MAML2: variants seen among roughly 807,000 people sequenced by gnomAD.
MAML2 encodes the protein mastermind-like protein 2.
In MAML2, 22 loss-of-function variants were observed where a neutral mutation model predicts 96.1. The ratio of observed to expected loss-of-function variants is 0.23; its 90% CI spans 0.16 to 0.33. The LOEUF (loss-of-function observed/expected upper bound fraction) is 0.33. Ranked by LOEUF, MAML2 falls within the 10% of genes least tolerant of loss-of-function variation. The pLI is 1.00. For synonymous variants in MAML2, 561 were observed against 521.3 expected, an observed-to-expected ratio of 1.08 and a Z score of -1.04; for missense variants, 1,367 against 1,392.4, an observed-to-expected ratio of 0.98 and a Z score of 0.29.
chr11:96,324,248 C>A (rs568342769), intron 1 of MAML2, among the ~76,000 whole-genome samples: 1 of 152,234 alleles, frequency 6.6e-6, no homozygotes, highest in Non-Finnish European at 1.5e-5. Context: ...CATCTTCCTT[C>A]ACCTAATTTG....
chr11:96,168,536 G>T (rs1301942126), intron 1 of MAML2, among the ~76,000 whole-genome samples: 2 of 152,134 alleles, frequency 1.3e-5, no homozygotes, highest in Non-Finnish European at 2.9e-5. Context: ...CTCCATTTCT[G>T]ATTTGGTAAT....
intron 1 of MAML2, among the ~76,000 whole-genome samples, chr11:96,188,171 A>G (rs779836269): frequency 3.9e-5 from 6 of 152,240 alleles, no homozygotes; most frequent in Non-Finnish European, 8.8e-5. Context: ...GAAGTCGCCA[A>G]GTTTGTGCTT....
At chr11:96,170,306 ATAAG>A (rs1359136054) in intron 1 of MAML2, among the ~76,000 whole-genome samples, 1 of 152,202 alleles carries the variant, frequency 6.6e-6, no homozygotes, top group South Asian at 2.1e-4. Context: ...AATTGCATTA[ATAAG>A]TAATTAATGG....
intron 2 of MAML2, among the ~76,000 whole-genome samples, chr11:96,001,292 G>A (rs150110271): frequency 3.2e-4 from 48 of 152,278 alleles, no homozygotes; most frequent in Middle Eastern, 3.4e-3. Context: ...GGAACAAAAC[G>A]TCAGTGGGTC....
chr11:96,038,530 G>C (rs1858755229), intron 2 of MAML2, among the ~76,000 whole-genome samples: 1 of 152,330 alleles, frequency 6.6e-6, no homozygotes, highest in East Asian at 1.9e-4. Flanking sequence ...CCAAAGCAAT[G>C]TGCTAGGCAC....
rs955337440 is a variant in MAML2 at position 96,166,756 on chromosome 11, T to G, written c.514-73239A>C. On this transcript the variant is annotated intron_variant, in intron 1 of 4. Coordinates refer to ENST00000524717, the MANE Select transcript of MAML2 (RefSeq NM_032427.4). ...AGGTTTCAGCCTATCTAGAACTTTTTAGAGGAGTTTCATTTTCCTAAAATT... is the reference window on the plus strand; with the variant it reads ...AGGTTTCAGCCTATCTAGAACTTTTGAGAGGAGTTTCATTTTCCTAAAATT... Among the ~76,000 whole-genome samples, 15 of 152,240 alleles carry G rather than the reference T, an allele frequency of 9.9e-5. 1 individual carries two copies. The highest frequency in any genetic ancestry group is 2.9e-4 in the African/African-American group (12 of 41,462).
chr11:96,161,245 C>A (rs771691327), intron 1 of MAML2, among the ~76,000 whole-genome samples: 2 of 152,096 alleles, frequency 1.3e-5, no homozygotes, highest in African/African-American at 4.8e-5. Flanking sequence ...GTGGGGAAGG[C>A]AAGGGAATTA....
intron 1 of MAML2, among the ~76,000 whole-genome samples, chr11:96,314,765 T>C (rs960953222): frequency 1.3e-5 from 2 of 152,180 alleles, no homozygotes; most frequent in African/African-American, 4.8e-5. Flanking sequence ...AATATAAATG[T>C]TTGGCACAGA....
At chr11:96,285,328 G>T (rs1162355501) in intron 1 of MAML2, among the ~76,000 whole-genome samples, 1 of 152,074 alleles carries the variant, frequency 6.6e-6, no homozygotes, top group Non-Finnish European at 1.5e-5. Context: ...CAAAAAGTAA[G>T]ATGGATTAAA....
chr11:96,311,454 T>A (rs567017663), intron 1 of MAML2, among the ~76,000 whole-genome samples: 2 of 152,342 alleles, frequency 1.3e-5, no homozygotes, highest in African/African-American at 4.8e-5. Flanking sequence ...GAAATATGAA[T>A]GCACAATTCA....
chr11:96,190,012 T>A (rs1436186662), intron 1 of MAML2, among the ~76,000 whole-genome samples: 2 of 152,216 alleles, frequency 1.3e-5, no homozygotes, highest in Non-Finnish European at 2.9e-5. Context: ...ATTTTTTTAC[T>A]CCCTTTTTCA....
chr11:96,201,364 T>G (rs1368575915), intron 1 of MAML2, among the ~76,000 whole-genome samples: 1 of 152,168 alleles, frequency 6.6e-6, no homozygotes, highest in African/African-American at 2.4e-5. Context: ...TATAACAGCA[T>G]TTTGCCATGT....
At chr11:96,293,359 T>C (rs957892725) in intron 1 of MAML2, among the ~76,000 whole-genome samples, 14 of 152,190 alleles carry the variant, frequency 9.2e-5, no homozygotes, top group African/African-American at 3.4e-4. Context: ...AATCAGATCT[T>C]ACAAAATTAT....
Position 96,042,744 on chromosome 11 carries a change from C to CTTTTTT in MAML2, c.2139+49142_2139+49147dup, listed in dbSNP as rs767509829. On this transcript the variant is annotated intron_variant, in intron 2 of 4. Coordinates refer to ENST00000524717, the MANE Select transcript of MAML2 (RefSeq NM_032427.4). ...TTGTTACCAACCAATCGTTAACGTT[C>CTTTTTT]TTTTTTTTTTTTTTTTTTGCGACGG... 1.0e-4 allele frequency among the ~76,000 whole-genome samples: 12 copies of CTTTTTT among 116,262 alleles called. 1 individual carries two copies. The highest frequency in any genetic ancestry group is 5.8e-4 in the South Asian group (2 of 3,466). The allele number at this position is 116,262 out of a possible 152,430, so 76.3% of individuals were successfully genotyped here. A position where few individuals can be genotyped will look rare whatever the true frequency, so the allele number is the denominator to read the frequency against.
At position 96,039,299 on chromosome 11, in the gene MAML2, G is replaced by A. The variant is rs186331020; in HGVS notation, c.2140-47576C>T. Among the ~76,000 whole-genome samples, 289 of 143,960 alleles carry A rather than the reference G, an allele frequency of 2.0e-3. 1 individual carries two copies. The highest frequency in any genetic ancestry group is 7.1e-3 in the African/African-American group (277 of 38,956). 94.4% of individuals were successfully genotyped at this position (143,960 alleles called of 152,430 possible). A position where few individuals can be genotyped will look rare whatever the true frequency, so the allele number is the denominator to read the frequency against. The stretch of plus-strand genomic sequence containing the variant: ...AGAGGAGGAGACAGAGGTGAGAGAA[G>A]AGAGAAGAGAGGGGAGAGAGGAGGA... On this transcript the variant is annotated intron_variant, in intron 2 of 4. Coordinates refer to ENST00000524717, the MANE Select transcript of MAML2 (RefSeq NM_032427.4).
chr11:96,070,066 T>G (rs1210439532), intron 2 of MAML2, among the ~76,000 whole-genome samples: 2 of 148,580 alleles, frequency 1.3e-5, no homozygotes, highest in Non-Finnish European at 3.0e-5. Flanking sequence ...CCAAGGCAGG[T>G]GGATCACGAG....
chr11:95,996,059 T>G (rs965694487), intron 2 of MAML2, among the ~76,000 whole-genome samples: 2 of 145,034 alleles, frequency 1.4e-5, no homozygotes, highest in African/African-American at 5.1e-5. Flanking sequence ...AACTTAAAAG[T>G]TGAAGGAAAA....
intron 2 of MAML2, among the ~76,000 whole-genome samples, chr11:96,002,304 T>G (rs1323319843): frequency 6.6e-6 from 1 of 152,184 alleles, no homozygotes; most frequent in African/African-American, 2.4e-5. Context: ...AGGACAGAAC[T>G]TCCTGCTGTG....
chr11:96,060,839 A>G (rs940092764), intron 2 of MAML2, among the ~76,000 whole-genome samples: 1 of 152,318 alleles, frequency 6.6e-6, no homozygotes, highest in Admixed American at 6.5e-5. Flanking sequence ...TTAATACTGT[A>G]ACAAAGCAGT....
Sources: allele counts gnomAD v4.1 joint callset (sites outside exome capture counted in the v4.1 genomes callset), GRCh38; gene constraint gnomAD v4.1.1; transcripts MANE v1.5; gene names NCBI Gene and HGNC (gene_info 2026-07-23, HGNC 2026-07-21).